The following LAMA2 variants were observed in gnomAD, a reference collection of about 807,000 sequenced individuals.
The protein encoded by LAMA2 is laminin subunit alpha-2.
A neutral mutation model predicts 364.8 loss-of-function variants in LAMA2; 269 were observed. The observed-to-expected ratio is 0.74, with a 90% CI of 0.67 to 0.82. LAMA2 has a LOEUF of 0.82. Among genes scored for constraint, LAMA2 ranks in the 40% least tolerant of loss-of-function variants. The pLI is 0.00. For missense variants in LAMA2, 3,807 were observed against 3,873.2 expected (o/e 0.98, Z 0.45); for synonymous variants, 1,379 against 1,370.6 (o/e 1.01, Z -0.14).
intron 37 of LAMA2, among the ~76,000 whole-genome samples, chr6:129,397,108 A>G (rs1241428297): frequency 6.6e-6 from 1 of 152,140 alleles, no homozygotes. Context: ...AAGAAAGAAA[A>G]AGAAAGTGTC....
intron 1 of LAMA2, chr6:128,930,114 G>C (rs1235294143): frequency 7.1e-6 from 2 of 281,200 alleles, no homozygotes; most frequent in African/African-American, 2.3e-5. Flanking sequence ...ACAGGGCGGC[G>C]CCGCGCCCGG....
chr6:129,100,880 C>G (rs1775480197), intron 4 of LAMA2, among the ~76,000 whole-genome samples: 1 of 152,148 alleles, frequency 6.6e-6, no homozygotes, highest in South Asian at 2.1e-4. Flanking sequence ...CCAGATTGTT[C>G]TAAGGCAGCA....
At chr6:129,306,840 C>T in intron 22 of LAMA2, among the ~76,000 whole-genome samples, 1 of 152,026 alleles carries the variant, frequency 6.6e-6, no homozygotes, top group Middle Eastern at 3.4e-3. Flanking sequence ...CTACTATACT[C>T]ACATTTTTTC....
At chr6:128,968,514 A>G (rs1781990580) in intron 1 of LAMA2, among the ~76,000 whole-genome samples, 1 of 152,170 alleles carries the variant, frequency 6.6e-6, no homozygotes, top group African/African-American at 2.4e-5. Context: ...AGGTGTTGGA[A>G]TAGATCATGG....
At chr6:129,439,659 A>G (rs965437274) in intron 42 of LAMA2, among the ~76,000 whole-genome samples, 2 of 152,116 alleles carry the variant, frequency 1.3e-5, no homozygotes, top group African/African-American at 4.8e-5. Flanking sequence ...AGCACACGTT[A>G]TTTTAAAGAT....
At chr6:129,182,509 C>A (rs114457964) in intron 10 of LAMA2, among the ~76,000 whole-genome samples, 2,931 of 151,590 alleles carry the variant, frequency 0.019, 110 homozygotes, top group African/African-American at 0.066. Flanking sequence ...TGTAGTGTTT[C>A]CTTTAATCTG....
At chr6:129,059,752 C>A in intron 2 of LAMA2, 32 bp from the exon 3 acceptor site, 1 of 1,333,206 alleles carries the variant, frequency 7.5e-7, no homozygotes, top group Non-Finnish European at 1.1e-6. Flanking sequence ...ATCTTTTCTT[C>A]TTCCTTTCAT....
chr6:129,391,890 CA>C (rs1779345961), intron 36 of LAMA2, among the ~76,000 whole-genome samples: 1 of 152,082 alleles, frequency 6.6e-6, no homozygotes, highest in East Asian at 1.9e-4. Flanking sequence ...CAAAATGAAT[CA>C]AAAGCATGTT....
chr6:129,303,211 G>A (rs1773657916), intron 22 of LAMA2, among the ~76,000 whole-genome samples: 2 of 152,092 alleles, frequency 1.3e-5, no homozygotes, highest in South Asian at 4.1e-4. Flanking sequence ...TTTATCAAAA[G>A]CAAATGCTGT....
intron 1 of LAMA2, among the ~76,000 whole-genome samples, chr6:128,883,817 CACACACACACACACACACAT>C (rs1461459046): frequency 0.019 from 2,717 of 146,446 alleles, 88 homozygotes; most frequent in African/African-American, 0.066. Context: ...CACACACACA[CACACACACACACACACACAT>C]ATATATATAT....
chr6:129,333,341 T>G (rs985436542), intron 29 of LAMA2, among the ~76,000 whole-genome samples: 7 of 152,236 alleles, frequency 4.6e-5, no homozygotes, highest in Non-Finnish European at 7.3e-5. Flanking sequence ...GCCTTAAGTC[T>G]TTCACCATTA....
At chr6:129,155,776 G>A (rs978041288) in intron 8 of LAMA2, among the ~76,000 whole-genome samples, 1 of 151,854 alleles carries the variant, frequency 6.6e-6, no homozygotes, top group Non-Finnish European at 1.5e-5. Flanking sequence ...CATTGCTTTA[G>A]TAAGTCTAGA....
chr6:129,353,889 C>G (rs957398795), intron 32 of LAMA2, among the ~76,000 whole-genome samples: 1 of 152,272 alleles, frequency 6.6e-6, no homozygotes, highest in East Asian at 1.9e-4. Flanking sequence ...TTTTTACTCA[C>G]GTACAGTAAG....
chr6:129,288,609 A>T (rs866168678), intron 19 of LAMA2, among the ~76,000 whole-genome samples: 9 of 152,190 alleles, frequency 5.9e-5, no homozygotes, highest in Non-Finnish European at 1.2e-4. Context: ...ATAGTCATTT[A>T]AGGACTATTT....
chr6:129,486,450 T>C, intron 55 of LAMA2, 24 bp from the exon 56 acceptor site: 1 of 1,612,024 alleles, frequency 6.2e-7, no homozygotes, highest in African/African-American at 1.3e-5. Flanking sequence ...CTGTTTAATC[T>C]TCAATAACCA....
intron 44 of LAMA2, 91 bp downstream of exon 44, chr6:129,443,159 G>T: frequency 1.1e-6 from 1 of 944,534 alleles, no homozygotes; most frequent in Non-Finnish European, 1.6e-6. Context: ...ACTATATTTT[G>T]GTTTTGCTTT....
At chr6:129,161,286 A>G (rs912157411) in intron 8 of LAMA2, among the ~76,000 whole-genome samples, 4 of 152,002 alleles carry the variant, frequency 2.6e-5, no homozygotes, top group Non-Finnish European at 4.4e-5. Flanking sequence ...ATTTTCATTT[A>G]AAAGATTTCT....
At chr6:128,971,588 T>C (rs985850066) in intron 1 of LAMA2, among the ~76,000 whole-genome samples, 3 of 152,128 alleles carry the variant, frequency 2.0e-5, no homozygotes, top group African/African-American at 7.2e-5. Flanking sequence ...GCAGAGTGTC[T>C]AGAAGCAGAG....
intron 27 of LAMA2, among the ~76,000 whole-genome samples, chr6:129,318,974 A>AT (rs1295245066): frequency 6.6e-6 from 1 of 152,132 alleles, no homozygotes; most frequent in Admixed American, 6.5e-5. Flanking sequence ...GACTACATTT[A>AT]TTTTTTAATG....
Sources: gnomAD v4.1 joint callset for allele counts (sites outside exome capture counted in the v4.1 genomes callset) on GRCh38, gnomAD v4.1.1 for gene constraint, MANE v1.5 for transcripts, NCBI Gene and HGNC (gene_info 2026-07-23, HGNC 2026-07-21) for gene names.